Variants in TRABD2B observed in about 807,000 individuals in gnomAD.
TRABD2B encodes TraB domain containing 2B, also known as metalloprotease TIKI2.
TRABD2B carries 14 observed loss-of-function variants against 40.1 expected under a neutral mutation model. The observed-to-expected ratio is 0.35, with a 90% CI of 0.23 to 0.55. TRABD2B has a LOEUF of 0.55. TRABD2B is among the 20% of genes least tolerant of loss of function. TRABD2B has a pLI of 0.90. For synonymous variants in TRABD2B, 263 were observed against 277.0 expected (o/e 0.95, Z 0.50); for missense variants, 541 against 648.6 (o/e 0.83, Z 1.80).
At chr1:47,901,386 G>C (rs537599146) in intron 2 of TRABD2B, among the ~76,000 whole-genome samples, 1 of 152,320 alleles carries the variant, frequency 6.6e-6, no homozygotes, top group Non-Finnish European at 1.5e-5. Context: ...CCCTTCCTAG[G>C]GAAGTCTGCT....
chr1:47,934,299 C>T (rs1254425327), intron 2 of TRABD2B, among the ~76,000 whole-genome samples: 1 of 152,216 alleles, frequency 6.6e-6, no homozygotes. Flanking sequence ...GGGCCTGGCC[C>T]TGGAGGTGCT....
chr1:47,794,280 G>C (rs1481240904), intron 4 of TRABD2B, among the ~76,000 whole-genome samples: 1 of 152,170 alleles, frequency 6.6e-6, no homozygotes, highest in Non-Finnish European at 1.5e-5. Flanking sequence ...GGCTGGGCTG[G>C]GCAGTGGGAG....
chr1:47,876,552 G>C (rs1644227966), intron 2 of TRABD2B, among the ~76,000 whole-genome samples: 1 of 152,216 alleles, frequency 6.6e-6, no homozygotes, highest in Non-Finnish European at 1.5e-5. Flanking sequence ...GGAGGGGCTA[G>C]GAAATCCCCG....
At position 47,979,288 on chromosome 1, in the gene TRABD2B, A is replaced by T. The variant is rs2148439269; in HGVS notation, c.666+14746T>A. ...CTACACACAGGGTCCCTGCATGTGT[A>T]CTCAAAGCCAGGTGTCAGGGAAACC... On this transcript the variant is annotated intron_variant, in intron 2 of 6. Transcript: ENST00000606738. Among the ~76,000 whole-genome samples, 2 of 152,338 alleles carry T rather than the reference A, an allele frequency of 1.3e-5. 1 individual carries two copies. The highest frequency in any genetic ancestry group is 4.1e-4 in the South Asian group (2 of 4,828).
intron 2 of TRABD2B, among the ~76,000 whole-genome samples, chr1:47,901,766 AG>A (rs977810812): frequency 6.6e-6 from 1 of 152,160 alleles, no homozygotes; most frequent in African/African-American, 2.4e-5. Flanking sequence ...TGTGTCCTCA[AG>A]GAAGCCCAGG....
At chr1:47,774,169 G>A (rs749709411) in intron 6 of TRABD2B, among the ~76,000 whole-genome samples, 2 of 152,126 alleles carry the variant, frequency 1.3e-5, no homozygotes, top group Non-Finnish European at 2.9e-5. Flanking sequence ...GGTCTGCGGT[G>A]GGGCCTGAGA....
At chr1:47,995,685 T>C (rs567936379) in intron 1 of TRABD2B, among the ~76,000 whole-genome samples, 4 of 152,220 alleles carry the variant, frequency 2.6e-5, no homozygotes, top group Non-Finnish European at 5.9e-5. Flanking sequence ...CATAACACTT[T>C]TCTGCCTGAT....
At chr1:47,963,303 G>C (rs1251532597) in intron 2 of TRABD2B, among the ~76,000 whole-genome samples, 1 of 152,192 alleles carries the variant, frequency 6.6e-6, no homozygotes, top group African/African-American at 2.4e-5. Context: ...TCTGGACAAG[G>C]CTTGGAAGTG....
At chr1:47,863,265 T>C (rs985238580) in intron 2 of TRABD2B, among the ~76,000 whole-genome samples, 2 of 148,890 alleles carry the variant, frequency 1.3e-5, no homozygotes, top group African/African-American at 4.9e-5. Context: ...GCCAAGAGAA[T>C]GAAAAGATAA....
Position 47,923,496 on chromosome 1 carries a change from AG to A in TRABD2B, c.666+70537del, listed in dbSNP as rs1644928445. 2.0e-5 allele frequency among the ~76,000 whole-genome samples: 3 copies of A among 152,370 alleles called. 1 individual carries two copies. The South Asian group carries it at 6.2e-4, about 32-fold the overall frequency. On this transcript the variant is annotated intron_variant, in intron 2 of 6. Transcript: ENST00000606738. ...ACAGGCTGCTAGAGGATCTTGGGAAAGGATGGCTGAGAAAGGGATTTTTCAT... is the reference window on the plus strand; with the variant it reads ...ACAGGCTGCTAGAGGATCTTGGGAAAGATGGCTGAGAAAGGGATTTTTCAT...
intron 2 of TRABD2B, among the ~76,000 whole-genome samples, chr1:47,968,090 G>A (rs1186733377): frequency 6.6e-6 from 1 of 152,108 alleles, no homozygotes; most frequent in Non-Finnish European, 1.5e-5. Context: ...TGATTGCCAT[G>A]GTAACTGGAA....
rs1645206053 is a variant in TRABD2B, at chr1:47,828,464, C to T, written c.667-26845G>A. ...GTGCTAGAAAGTCACTGGGATTTGA[C>T]AGTGCACGAGGGCCGCTCAGTCAGC... On this transcript the variant is annotated intron_variant, in intron 2 of 6. Transcript: ENST00000606738. 5.9e-5 allele frequency among the ~76,000 whole-genome samples: 9 copies of T among 152,204 alleles called. No homozygotes were observed. The South Asian group carries it at 1.9e-3, about 31-fold the overall frequency.
intron 2 of TRABD2B, among the ~76,000 whole-genome samples, chr1:47,852,170 A>G (rs1645558484): frequency 6.6e-6 from 1 of 152,166 alleles, no homozygotes; most frequent in African/African-American, 2.4e-5. Context: ...TAGGCTCCCG[A>G]GAAACCTCCG....
intron 2 of TRABD2B, among the ~76,000 whole-genome samples, chr1:47,913,580 G>A (rs1644791200): frequency 6.6e-6 from 1 of 152,172 alleles, no homozygotes; most frequent in Admixed American, 6.5e-5. Flanking sequence ...GTCCCTTGAG[G>A]TCCCAGCACA....
Position 47,994,334 on chromosome 1 carries a change from C to T in TRABD2B, c.366G>A (p.Lys122=). ...TCAACTTCACGTAGTCCAGGTGGCG[C>T]TTCAAGCGCCAGTAAAGCTCGTGGG... ...VLPHELYWRL[K]RHLDYVKLMM... is the part of the protein sequence containing the mutation. Residue 122 remains lysine (K), a synonymous_variant, in exon 2 of 7, where the codon AAG becomes AAA. Transcript: ENST00000606738. This position sits in a 1 kb window ranked among gnomAD's most constrained non-coding sequence, Gnocchi z 6.7. 2 of 1,536,264 alleles carry T rather than the reference C, an allele frequency of 1.3e-6. No homozygotes were observed. The highest frequency in any genetic ancestry group is 1.2e-5 in the South Asian group (1 of 84,068).
chr1:47,940,216 C>T (rs1316111074), intron 2 of TRABD2B, among the ~76,000 whole-genome samples: 2 of 152,172 alleles, frequency 1.3e-5, no homozygotes, highest in Non-Finnish European at 2.9e-5. Context: ...TGCTGAACCT[C>T]CCCTGGCTCC....
intron 1 of TRABD2B, among the ~76,000 whole-genome samples, chr1:47,995,911 A>C (rs1480801196): frequency 6.6e-6 from 1 of 152,230 alleles, no homozygotes; most frequent in Non-Finnish European, 1.5e-5. Flanking sequence ...GCACACCTAC[A>C]GCAGCCAGAC....
chr1:47,790,077 T>C (rs1302645747), intron 4 of TRABD2B, among the ~76,000 whole-genome samples: 1 of 152,218 alleles, frequency 6.6e-6, no homozygotes, highest in African/African-American at 2.4e-5. Context: ...ATATTTTAAC[T>C]TCAAACACAG....
intron 2 of TRABD2B, among the ~76,000 whole-genome samples, chr1:47,815,854 A>AG (rs1645025582): frequency 6.8e-6 from 1 of 146,142 alleles, no homozygotes; most frequent in African/African-American, 2.5e-5. Context: ...GATAGATAGA[A>AG]ATAGAGTCAG....
Sources: allele counts gnomAD v4.1 joint callset (sites outside exome capture counted in the v4.1 genomes callset), GRCh38; gene constraint gnomAD v4.1.1; non-coding constraint Gnocchi (gnomAD v3.1); transcripts MANE v1.5; gene names NCBI Gene and HGNC (gene_info 2026-07-23, HGNC 2026-07-21).